Variants in MAMSTR observed in about 807,000 individuals in gnomAD.
The protein encoded by MAMSTR is MEF2-activating motif and SAP domain-containing transcriptional regulator.
A neutral mutation model predicts 42.7 loss-of-function variants in MAMSTR; 41 were observed. That is an observed-to-expected ratio of 0.96 (90% CI 0.75 to 1.25). The LOEUF (loss-of-function observed/expected upper bound fraction) is 1.25, where lower values mean the gene tolerates loss of function less well. Ranked by LOEUF, MAMSTR falls within the 50% of genes most tolerant of loss-of-function variation. The pLI, the probability that MAMSTR is intolerant of heterozygous loss-of-function variation, is 0.00. For synonymous variants in MAMSTR, 265 were observed against 244.1 expected (o/e 1.09, Z -0.80); for missense variants, 567 against 557.6 (o/e 1.02, Z -0.17).
In MAMSTR at chr19:48,713,425, G is replaced by A. The variant is rs775663817; in HGVS notation, c.1090C>T (p.Pro364Ser). 1 of 1,613,370 alleles carries A rather than the reference G, an allele frequency of 6.2e-7. No homozygotes were observed. The highest frequency in any genetic ancestry group is 1.7e-5 in the Admixed American group (1 of 59,802). Residue 364 changes from proline (P) to serine (S), a missense_variant, in exon 10 of 10, where the codon CCT (proline) becomes TCT (serine). Coordinates refer to ENST00000318083, the MANE Select transcript of MAMSTR (RefSeq NM_001130915.2). ...SLPSPTNSSS[P>S]SPRDPTDSLD... ...GAGTCCGTGGGGTCCCTGGGAGAAG[G>A]GGAGGAGGAGTTCGTGGGAGACGGG...
Position 48,715,424 on chromosome 19 carries a change from C to A in MAMSTR, c.263G>T (p.Arg88Leu), listed in dbSNP as rs535811166. 3.3e-5 allele frequency: 50 copies of A among 1,503,514 alleles called. No homozygotes were observed. In the South Asian group the frequency reaches 4.7e-4, roughly 14 times the overall value. The allele number at this position is 1,503,514 out of a possible 1,614,324, so 93.1% of individuals were successfully genotyped here. ...PKKESPKISQ[R>L]WRESKPRGNL... ...CCCCCTGGGCTTGGACTCCCTCCAA[C>A]GTTGGGAGATCTTGGGAGACTCCTG... The change falls in exon 5 of 10, where the codon CGT becomes CTT. Residue 88 changes from arginine to leucine, a missense_variant. Coordinates refer to ENST00000318083, the MANE Select transcript of MAMSTR (RefSeq NM_001130915.2).
chr19:48,711,797 G>T (rs1438273887), downstream of MAMSTR, among the ~76,000 whole-genome samples: 1 of 145,326 alleles, frequency 6.9e-6, no homozygotes. Flanking sequence ...CCAGGCTGGA[G>T]TGTGGTGGCA....
At position 48,713,866 on chromosome 19, in the gene MAMSTR, C is replaced by T. The variant is rs761565363; in HGVS notation, c.903G>A (p.Arg301=). 1.9e-6 allele frequency: 3 copies of T among 1,612,992 alleles called. No individual in the cohort carries two copies. The highest frequency in any genetic ancestry group is 2.5e-6 in the Non-Finnish European group (3 of 1,179,102). ...TCAACCCACACCCTCTTACCTGCGCCCTCCGGATCGCTTCCTGCAGCTCCT... is the reference window on the plus strand; with the variant it reads ...TCAACCCACACCCTCTTACCTGCGCTCTCCGGATCGCTTCCTGCAGCTCCT... ...LEEELQEAIR[R]AQLLPNRGID... is the part of the protein sequence containing the mutation. The change falls in exon 8 of 10, where the codon AGG becomes AGA. Residue 301 remains arginine (R), a synonymous_variant. Coordinates refer to ENST00000318083, the MANE Select transcript of MAMSTR (RefSeq NM_001130915.2).
At chr19:48,713,599 C>T in intron 9 of MAMSTR, 49 bp from the exon 10 acceptor site, 1 of 1,596,814 alleles carries the variant, frequency 6.3e-7, no homozygotes, top group Non-Finnish European at 8.6e-7. Context: ...GGGGTCCGGG[C>T]GCCAGCCCCC....
rs1029811691 is a variant in MAMSTR, at chr19:48,713,164, T to C, written c.*103A>G. 1.0e-5 allele frequency: 12 copies of C among 1,163,200 alleles called. No homozygotes were observed. The highest frequency in any genetic ancestry group is 2.9e-5 in the Admixed American group (1 of 34,986). 72.1% of individuals were successfully genotyped at this position (1,163,200 alleles called of 1,614,324 possible). A position where few individuals can be genotyped will look rare whatever the true frequency, so the allele number is the denominator to read the frequency against. On this transcript the variant is annotated 3_prime_UTR_variant, in exon 10 of 10. Coordinates refer to ENST00000318083, the MANE Select transcript of MAMSTR (RefSeq NM_001130915.2). ...TGGGGTTGGAGGTTGTCTCCGATCC[T>C]GTGTCTGCGGTAGGAGGGGCTCTGC...
chr19:48,711,275 G>C (rs757354253), downstream of MAMSTR, among the ~76,000 whole-genome samples: 1 of 152,122 alleles, frequency 6.6e-6, no homozygotes, highest in Non-Finnish European at 1.5e-5. Flanking sequence ...TAGTTATCCC[G>C]GGGGAGAGGC....
chr19:48,713,487 T>A lies in MAMSTR; in HGVS notation c.1028A>T (p.Asp343Val). ...GAAAACAGATGAGAGGCCTTCAGAGTCCGGGGAGGGGGACAGCACGTCGAA... is the reference window on the plus strand; with the variant it reads ...GAAAACAGATGAGAGGCCTTCAGAGACCGGGGAGGGGGACAGCACGTCGAA... The part of the protein sequence containing the change: ...GSFDVLSPSP[D>V]SEGLSSVFSS... The change falls in exon 10 of 10, where the codon GAC (aspartate) becomes GTC (valine). Residue 343 changes from aspartate to valine, a missense_variant. Transcript: ENST00000318083. 6.2e-7 allele frequency: 1 copy of A among 1,610,070 alleles called. No individual in the cohort carries two copies. Among genetic ancestry groups the A allele is most frequent in the Non-Finnish European group, 8.5e-7 (1 of 1,179,000 alleles).
Position 48,713,384 on chromosome 19 carries a change from C to T in MAMSTR, c.1131G>A (p.Glu377=), listed in dbSNP as rs1383849041. 1 of 1,612,504 alleles carries T rather than the reference C, an allele frequency of 6.2e-7. No homozygotes were observed. The highest frequency in any genetic ancestry group is 2.2e-5 in the East Asian group (1 of 44,876). Residue 377 remains glutamate (E), a synonymous_variant, in exon 10 of 10, where the codon GAG becomes GAA. Coordinates refer to ENST00000318083, the MANE Select transcript of MAMSTR (RefSeq NM_001130915.2). ...RDPTDSLDWL[E]ALSGGPPLGS... The stretch of plus-strand genomic sequence containing the variant: ...CCAGAGGAGGACCCCCGCTCAGGGC[C>T]TCCAGCCAGTCCAGGGAGTCCGTGG...
chr19:48,716,967 G>A (rs1451756507), intron 2 of MAMSTR: 5 of 1,169,696 alleles, frequency 4.3e-6, no homozygotes, highest in Non-Finnish European at 3.2e-6. Flanking sequence ...CTGGGGCTAC[G>A]AGCCAGCCAG....
At chr19:48,716,924 C>G in intron 2 of MAMSTR, 181 bp from the exon 3 acceptor site, 1 of 1,204,340 alleles carries the variant, frequency 8.3e-7, no homozygotes, top group Non-Finnish European at 1.0e-6. Flanking sequence ...CCGCCTGCTC[C>G]CTGCCAGCGC....
At chr19:48,718,777 C>G (rs2033146390) in intron 2 of MAMSTR, among the ~76,000 whole-genome samples, 197 bp downstream of exon 2, 1 of 152,100 alleles carries the variant, frequency 6.6e-6, no homozygotes, top group African/African-American at 2.4e-5. Flanking sequence ...TTGCTCCCCC[C>G]GTGAGCATGC....
intron 5 of MAMSTR, 61 bp from the exon 6 acceptor site, chr19:48,714,969 G>A: frequency 8.9e-7 from 1 of 1,128,786 alleles, no homozygotes; most frequent in Non-Finnish European, 1.3e-6. Flanking sequence ...AAGGCGTTCT[G>A]GGGTCCTCAA....
rs2032805430 is a variant in MAMSTR at position 48,713,418 on chromosome 19, G to A, written c.1097C>T (p.Pro366Leu). 1 of 1,613,318 alleles carries A rather than the reference G, an allele frequency of 6.2e-7. No homozygotes were observed. The highest frequency in any genetic ancestry group is 8.5e-7 in the Non-Finnish European group (1 of 1,179,758). The change falls in exon 10 of 10, where the codon CCC (proline) becomes CTC (leucine). Residue 366 changes from proline to leucine, a missense_variant. By Grantham distance (98) the Pro-to-Leu change is moderately conservative (BLOSUM62 -3). Transcript: ENST00000318083. ...PSPTNSSSPSPRDPTDSLDWL... is the reference protein window; with the variant it reads ...PSPTNSSSPSLRDPTDSLDWL... Reference sequence around the variant, plus strand: ...GTCCAGGGAGTCCGTGGGGTCCCTGGGAGAAGGGGAGGAGGAGTTCGTGGG... The same window carrying A: ...GTCCAGGGAGTCCGTGGGGTCCCTGAGAGAAGGGGAGGAGGAGTTCGTGGG...
intron 3 of MAMSTR, among the ~76,000 whole-genome samples, chr19:48,716,102 G>A (rs901900935): frequency 2.0e-5 from 3 of 152,090 alleles, no homozygotes; most frequent in Non-Finnish European, 2.9e-5. Context: ...CAGGCCGGCC[G>A]CGGTGGCTCA....
chr19:48,714,061 G>A lies in MAMSTR; in HGVS notation c.724-16C>T, dbSNP rs1389717237. ...TGGGCTTGACCTAGAGCAGCCAAGA[G>A]GGCGAGCGCCCATAAGCCATGCCCA... On this transcript the variant is annotated splice_polypyrimidine_tract_variant and intron_variant, in intron 7 of 9. Coordinates refer to ENST00000318083, the MANE Select transcript of MAMSTR (RefSeq NM_001130915.2). 1.9e-6 allele frequency: 3 copies of A among 1,558,762 alleles called. No individual in the cohort carries two copies. The highest frequency in any genetic ancestry group is 2.3e-5 in the East Asian group (1 of 44,314).
At chr19:48,711,368 G>A (rs533114271), downstream of MAMSTR, among the ~76,000 whole-genome samples, 15 of 152,162 alleles carry the variant, frequency 9.9e-5, no homozygotes, top group East Asian at 3.9e-4. Context: ...TCCCCACCAC[G>A]GTGCCACACA....
chr19:48,708,231 C>CAAAAAAAAAA (rs66744711), downstream of MAMSTR, among the ~76,000 whole-genome samples: 11 of 118,794 alleles, frequency 9.3e-5, no homozygotes, highest in South Asian at 3.2e-4. Context: ...TGAACTCCAT[C>CAAAAAAAAAA]AAAAAAAAAA....
intron 3 of MAMSTR, among the ~76,000 whole-genome samples, chr19:48,716,127 G>A (rs952133892): frequency 2.6e-5 from 4 of 152,022 alleles, no homozygotes; most frequent in Non-Finnish European, 5.9e-5. Context: ...TGTAATCCCA[G>A]CAGTTTGGGA....
intron 9 of MAMSTR, 61 bp from the exon 10 acceptor site, chr19:48,713,611 A>G: frequency 6.3e-7 from 1 of 1,598,180 alleles, no homozygotes; most frequent in Non-Finnish European, 8.6e-7. Flanking sequence ...CCAGCCCCCC[A>G]TACCCCATTT....
Sources: gnomAD v4.1 joint callset for allele counts (sites outside exome capture counted in the v4.1 genomes callset) on GRCh38, gnomAD v4.1.1 for gene constraint, MANE v1.5 for transcripts, NCBI Gene and HGNC (gene_info 2026-07-23, HGNC 2026-07-21) for gene names.